The following IGSF11 variants were observed in gnomAD, a reference collection of about 807,000 sequenced individuals.
The protein encoded by IGSF11 is immunoglobulin superfamily member 11, also known as CXADR like 1.
In IGSF11, 22 loss-of-function variants were observed where a neutral mutation model predicts 41.0. That is an observed-to-expected ratio of 0.54 (90% CI 0.38 to 0.77). The LOEUF (loss-of-function observed/expected upper bound fraction) is 0.77, where lower values mean the gene tolerates loss of function less well. Among genes scored for constraint, IGSF11 ranks in the 30% least tolerant of loss-of-function variants. IGSF11 has a pLI of 0.00. For synonymous variants in IGSF11, 219 were observed against 201.3 expected (o/e 1.09, Z -0.74); for missense variants, 444 against 530.8 (o/e 0.84, Z 1.61).
intron 1 of IGSF11, among the ~76,000 whole-genome samples, chr3:119,141,040 A>G (rs1277550637): frequency 2.5e-5 from 1 of 39,538 alleles, no homozygotes; most frequent in Non-Finnish European, 6.0e-5. Context: ...ACTCTGTCTC[A>G]TTAAAAAAAA....
chr3:118,949,151 A>G (rs1944391115), intron 1 of IGSF11: 1 of 152,108 alleles, frequency 6.6e-6, no homozygotes. Context: ...AAGAGGCACC[A>G]GAGAGTCCAC....
chr3:118,966,704 C>T (rs942524303), intron 1 of IGSF11, among the ~76,000 whole-genome samples: 1 of 152,192 alleles, frequency 6.6e-6, no homozygotes, highest in Non-Finnish European at 1.5e-5. Context: ...AAATAAAAAG[C>T]AGCCAGATCA....
intron 1 of IGSF11, among the ~76,000 whole-genome samples, chr3:119,113,151 G>T (rs2077206813): frequency 1.3e-5 from 2 of 152,172 alleles, no homozygotes; most frequent in South Asian, 4.2e-4. Context: ...TTTGACATGA[G>T]ATTTGGGTGG....
chr3:118,903,102 G>A lies in IGSF11; in HGVS notation c.855-141C>T, dbSNP rs1351026411. On this transcript the variant is annotated intron_variant, in intron 6 of 6. Transcript: ENST00000393775. Reference sequence around the variant, plus strand: ...AGAGACTACTCTATCGTGAAAGCAGGCATGGCAACCCTGGATGGCCTCAGC... The same window carrying A: ...AGAGACTACTCTATCGTGAAAGCAGACATGGCAACCCTGGATGGCCTCAGC... The A allele has an allele frequency of 4.0e-6, 3 of 757,226 alleles. No homozygotes were observed. The East Asian group carries it at 8.2e-5, about 21-fold the overall frequency. 46.9% of individuals were successfully genotyped at this position (757,226 alleles called of 1,614,324 possible).
At chr3:119,087,546 T>C (rs1007474187) in intron 1 of IGSF11, among the ~76,000 whole-genome samples, 1 of 152,138 alleles carries the variant, frequency 6.6e-6, no homozygotes, top group African/African-American at 2.4e-5. Context: ...CATCATATGT[T>C]CTCACTCATC....
At chr3:118,903,167 C>T (rs901405113) in intron 6 of IGSF11, among the ~76,000 whole-genome samples, 11 of 152,104 alleles carry the variant, frequency 7.2e-5, no homozygotes, top group Non-Finnish European at 1.5e-4. Context: ...TCAAGAAAAT[C>T]TCTCCTCAGC....
chr3:119,116,073 A>G (rs968609451), intron 1 of IGSF11, among the ~76,000 whole-genome samples: 14 of 152,220 alleles, frequency 9.2e-5, no homozygotes, highest in African/African-American at 3.1e-4. Flanking sequence ...ACTTAATTGC[A>G]CAACAGAGTG....
At chr3:119,073,696 G>A (rs1453937735) in intron 1 of IGSF11, among the ~76,000 whole-genome samples, 1 of 152,194 alleles carries the variant, frequency 6.6e-6, no homozygotes, top group Non-Finnish European at 1.5e-5. Context: ...GCTGCTCCAA[G>A]TGTGGGGCCA....
chr3:119,069,791 A>G (rs1233918337), intron 1 of IGSF11, among the ~76,000 whole-genome samples: 1 of 152,182 alleles, frequency 6.6e-6, no homozygotes, highest in Non-Finnish European at 1.5e-5. Context: ...TTTCAGGAGA[A>G]AATTTTTTAC....
intron 1 of IGSF11, among the ~76,000 whole-genome samples, chr3:119,016,739 A>G (rs1938734061): frequency 6.6e-6 from 1 of 152,086 alleles, no homozygotes. Context: ...CCACACGACT[A>G]TTTCTAACAT....
chr3:119,050,010 A>G (rs199539068), intron 1 of IGSF11, among the ~76,000 whole-genome samples: 24,097 of 145,384 alleles, frequency 0.17, 2,373 homozygotes, highest in Non-Finnish European at 0.23. Context: ...AAGATGGATT[A>G]AAGACTTAAA....
At chr3:119,050,453 C>T (rs1440889933) in intron 1 of IGSF11, among the ~76,000 whole-genome samples, 1 of 152,146 alleles carries the variant, frequency 6.6e-6, no homozygotes, top group African/African-American at 2.4e-5. Flanking sequence ...GAGATACCAT[C>T]TCACACCAGT....
chr3:119,105,616 G>C (rs186042554), upstream of IGSF11, among the ~76,000 whole-genome samples: 537 of 152,218 alleles, frequency 3.5e-3, 8 homozygotes, highest in Middle Eastern at 6.8e-3. Context: ...ATTTTCTTTA[G>C]TAATTTAAAA....
At chr3:119,145,630 C>G (rs917466715) in intron 1 of IGSF11, among the ~76,000 whole-genome samples, 7 of 152,232 alleles carry the variant, frequency 4.6e-5, no homozygotes, top group Non-Finnish European at 1.0e-4. Flanking sequence ...CCACAGATCA[C>G]ATGTCTAATC....
chr3:118,905,771 C>A, intron 4 of IGSF11, 53 bp from the exon 5 acceptor site: 1 of 1,601,078 alleles, frequency 6.2e-7, no homozygotes, highest in South Asian at 1.1e-5. Flanking sequence ...ATAGCAAAAC[C>A]AAAGAAATCA....
intron 1 of IGSF11, among the ~76,000 whole-genome samples, chr3:119,058,589 G>A (rs368694117): frequency 2.6e-5 from 4 of 152,012 alleles, no homozygotes; most frequent in East Asian, 1.9e-4. Flanking sequence ...ATCTACAACT[G>A]GAAATACCAT....
intron 1 of IGSF11, among the ~76,000 whole-genome samples, chr3:118,949,757 C>T (rs1043403368): frequency 1.3e-5 from 2 of 152,086 alleles, no homozygotes; most frequent in African/African-American, 4.8e-5. Flanking sequence ...TTTATCAAAG[C>T]CAAGACTAAA....
At chr3:119,040,459 C>T (rs952582492) in intron 1 of IGSF11, among the ~76,000 whole-genome samples, 14 of 152,262 alleles carry the variant, frequency 9.2e-5, no homozygotes, top group Middle Eastern at 3.4e-3. Flanking sequence ...ATTGCAATTC[C>T]CCTGTCTTGA....
chr3:118,912,547 G>A (rs1940459590), intron 4 of IGSF11, among the ~76,000 whole-genome samples: 4 of 152,056 alleles, frequency 2.6e-5, no homozygotes, highest in South Asian at 2.1e-4. Flanking sequence ...TTCCTGTTTT[G>A]CTCATCCCTT....
Sources: allele counts gnomAD v4.1 joint callset (sites outside exome capture counted in the v4.1 genomes callset), GRCh38; gene constraint gnomAD v4.1.1; transcripts MANE v1.5; gene names NCBI Gene and HGNC (gene_info 2026-07-23, HGNC 2026-07-21).